Variants in ABLIM1 observed in about 807,000 individuals in gnomAD.
The protein encoded by ABLIM1 is actin-binding LIM protein 1.
ABLIM1 carries 40 observed loss-of-function variants against 107.0 expected under a neutral mutation model. The observed-to-expected ratio is 0.37, with a 90% CI of 0.29 to 0.49. The LOEUF (loss-of-function observed/expected upper bound fraction) is 0.49, where lower values mean the gene tolerates loss of function less well. Among genes scored for constraint, ABLIM1 ranks in the 20% least tolerant of loss-of-function variants. The pLI, the probability that ABLIM1 is intolerant of heterozygous loss-of-function variation, is 0.97. For synonymous variants in ABLIM1, 357 were observed against 357.3 expected, an observed-to-expected ratio of 1.00 and a Z score of 0.01; for missense variants, 857 against 1,008.5, an observed-to-expected ratio of 0.85 and a Z score of 2.04.
intron 1 of ABLIM1, among the ~76,000 whole-genome samples, chr10:114,703,852 G>C (rs2081353359): frequency 6.6e-6 from 1 of 152,220 alleles, no homozygotes. Flanking sequence ...CCCTCTACTG[G>C]AGAATCAGTT....
intron 1 of ABLIM1, among the ~76,000 whole-genome samples, chr10:114,604,398 G>A (rs183141868): frequency 6.6e-6 from 1 of 152,368 alleles, no homozygotes; most frequent in East Asian, 1.9e-4. Context: ...AAAAGCAGCA[G>A]CTAGGGCTTG....
upstream of ABLIM1, among the ~76,000 whole-genome samples, chr10:114,663,087 C>T (rs2079863601): frequency 6.6e-6 from 1 of 152,254 alleles, no homozygotes; most frequent in Non-Finnish European, 1.5e-5. Flanking sequence ...GCCAAACCTT[C>T]TCTATGCCCT....
upstream of ABLIM1, among the ~76,000 whole-genome samples, chr10:114,769,469 A>AAGAAAGAAAGAAAG (rs2082993269): frequency 7.2e-6 from 1 of 139,070 alleles, no homozygotes; most frequent in Admixed American, 7.1e-5. Flanking sequence ...GAAAGAAAGA[A>AAGAAAGAAAGAAAG]AGAAAGAAAG....
At chr10:114,659,620 G>A (rs2079696773), upstream of ABLIM1, among the ~76,000 whole-genome samples, 1 of 152,170 alleles carries the variant, frequency 6.6e-6, no homozygotes, top group Non-Finnish European at 1.5e-5. Flanking sequence ...TATACTTTAA[G>A]TTCTAGGATA....
rs139436302 is a variant in ABLIM1, at chr10:114,767,836, G to C, written c.-213+225C>G. ...AGACGCGCGGCGGGCACAGGTGAGC[G>C]GGGCGCCGACTTTGGCCCTTAGGCT... is the stretch of plus-strand genomic sequence containing the variant. On this transcript the variant is annotated intron_variant, in intron 1 of 15. Coordinates refer to the ABLIM1 transcript ENST00000651092. Among the ~76,000 whole-genome samples, 169 of 152,270 alleles carry C rather than the reference G, an allele frequency of 1.1e-3. 2 individuals carry two copies. In the East Asian group the frequency reaches 0.03, roughly 27 times the overall value.
chr10:114,601,049 TACACACACACACACACAC>T (rs59709817), intron 2 of ABLIM1, among the ~76,000 whole-genome samples: 5,892 of 128,532 alleles, frequency 0.046, 210 homozygotes, highest in Middle Eastern at 0.066. Context: ...CACATCTCAA[TACACACACACACACACAC>T]ACACACACAC....
intron 10 of ABLIM1, among the ~76,000 whole-genome samples, chr10:114,468,981 G>A (rs1405028806): frequency 2.7e-5 from 4 of 148,266 alleles, no homozygotes; most frequent in Non-Finnish European, 4.4e-5. Context: ...GAACCCGGAA[G>A]GCGAAGCTTG....
chr10:114,545,847 C>T (rs1591081027), intron 5 of ABLIM1, among the ~76,000 whole-genome samples: 1 of 148,374 alleles, frequency 6.7e-6, no homozygotes, highest in Non-Finnish European at 1.5e-5. Flanking sequence ...AGGAGAATTG[C>T]TTGAACCCAG....
At chr10:114,786,658 C>A in the ABLIM1 span, among the ~76,000 whole-genome samples, 1 of 152,224 alleles carries the variant, frequency 6.6e-6, no homozygotes, top group East Asian at 1.9e-4. Flanking sequence ...GTATTTACCA[C>A]TGACCATGTA....
At chr10:114,738,981 C>T (rs942152547) in intron 1 of ABLIM1, among the ~76,000 whole-genome samples, 2 of 151,882 alleles carry the variant, frequency 1.3e-5, no homozygotes, top group African/African-American at 4.8e-5. Context: ...CTCAGGTACA[C>T]AAAAAGAAAG....
intron 1 of ABLIM1, among the ~76,000 whole-genome samples, chr10:114,760,475 AG>A (rs768670413): frequency 4.6e-5 from 7 of 151,610 alleles, no homozygotes; most frequent in Non-Finnish European, 8.8e-5. Flanking sequence ...TTATAGCTCA[AG>A]AACTGATCTA....
upstream of ABLIM1, among the ~76,000 whole-genome samples, chr10:114,662,814 T>TA (rs2079850884): frequency 6.6e-6 from 1 of 152,210 alleles, no homozygotes; most frequent in Admixed American, 6.5e-5. Context: ...CGTAATTAGT[T>TA]TAACAGGCAC....
intron 1 of ABLIM1, among the ~76,000 whole-genome samples, chr10:114,726,939 A>C (rs549658358): frequency 6.6e-6 from 1 of 152,320 alleles, no homozygotes; most frequent in Non-Finnish European, 1.5e-5. Flanking sequence ...CATTTAAACC[A>C]TATCAGTGAG....
rs2059077699 is a variant in ABLIM1 at position 114,433,641 on chromosome 10, A to C, written c.*2619T>G. 1 of 152,226 alleles carries C rather than the reference A, an allele frequency of 6.6e-6. No homozygotes were observed. The highest frequency in any genetic ancestry group is 6.5e-5 in the Admixed American group (1 of 15,288). 9.4% of individuals were successfully genotyped at this position (152,226 alleles called of 1,614,324 possible). The stretch of plus-strand genomic sequence containing the variant: ...AAAGATACAAGGAAAGCAGGGTTTC[A>C]TTAGTGGGAGCTGATTTAGGGTTCA... On this transcript the variant is annotated 3_prime_UTR_variant, in exon 23 of 23. Transcript: ENST00000533213.
chr10:114,700,680 T>C (rs552322049), intron 1 of ABLIM1, among the ~76,000 whole-genome samples: 2 of 152,116 alleles, frequency 1.3e-5, no homozygotes, highest in South Asian at 4.2e-4. Flanking sequence ...CCAGTGCAAT[T>C]CAATGAGGAA....
intron 8 of ABLIM1, among the ~76,000 whole-genome samples, chr10:114,480,066 C>G (rs2057100598): frequency 6.6e-6 from 1 of 152,228 alleles, no homozygotes; most frequent in Non-Finnish European, 1.5e-5. Flanking sequence ...ACTTTCAAAT[C>G]CCACTGACAG....
In ABLIM1 at chr10:114,443,962, A is replaced by G. The variant is rs1033251816; in HGVS notation, c.1933+67T>C. On this transcript the variant is annotated intron_variant, in intron 17 of 22. Coordinates refer to ENST00000533213, the MANE Select transcript of ABLIM1 (RefSeq NM_002313.7). ...TAGGTTCCACCACAAGTGAACAGTC[A>G]AGGCAGGTGCCTTACAAGCAGGTGG... 1.1e-5 allele frequency: 15 copies of G among 1,320,136 alleles called. No homozygotes were observed. In the African/African-American group the frequency reaches 2.2e-4, roughly 20 times the overall value. 81.8% of individuals were successfully genotyped at this position (1,320,136 alleles called of 1,614,324 possible).
In ABLIM1 at chr10:114,707,485, G is replaced by T. The variant is rs2081447013; in HGVS notation, c.-213+60576C>A. On this transcript the variant is annotated intron_variant, in intron 1 of 15. Coordinates refer to the ABLIM1 transcript ENST00000651092. The surrounding 1 kb of genome is among the most constrained non-coding windows in gnomAD (Gnocchi z 4.1). ...GACCTCAAGTGATATGCCTGCCTTG[G>T]CCTCCCAAAGTGCTGGGATTACAGG... is the stretch of plus-strand genomic sequence containing the variant. Among the ~76,000 whole-genome samples, 1 of 152,176 alleles carries T rather than the reference G, an allele frequency of 6.6e-6. No homozygotes were observed. The highest frequency in any genetic ancestry group is 2.1e-4 in the South Asian group (1 of 4,826).
chr10:114,723,227 G>T (rs760194660), intron 1 of ABLIM1, among the ~76,000 whole-genome samples: 1 of 152,168 alleles, frequency 6.6e-6, no homozygotes, highest in Non-Finnish European at 1.5e-5. Flanking sequence ...AGGAGAGGCC[G>T]ACTTAGGTGA....
Sources: allele counts gnomAD v4.1 joint callset (sites outside exome capture counted in the v4.1 genomes callset), GRCh38; gene constraint gnomAD v4.1.1; non-coding constraint Gnocchi (gnomAD v3.1); transcripts MANE v1.5; gene names NCBI Gene and HGNC (gene_info 2026-07-23, HGNC 2026-07-21).